The following MCC variants were observed in gnomAD, a reference collection of about 807,000 sequenced individuals.
MCC encodes MCC regulator of Wnt signaling pathway.
MCC carries 90 observed loss-of-function variants against 116.2 expected under a neutral mutation model. That is an observed-to-expected ratio of 0.77 (90% CI 0.65 to 0.92). The LOEUF (loss-of-function observed/expected upper bound fraction) is 0.92. MCC is among the 40% of genes least tolerant of loss of function. The pLI is 0.00. For synonymous variants in MCC, 578 were observed against 510.5 expected, an observed-to-expected ratio of 1.13 and a Z score of -1.78; for missense variants, 1,516 against 1,312.2, an observed-to-expected ratio of 1.16 and a Z score of -2.40.
At chr5:113,248,925 C>T (rs1764679853) in intron 3 of MCC, among the ~76,000 whole-genome samples, 1 of 150,696 alleles carries the variant, frequency 6.6e-6, no homozygotes, top group South Asian at 2.1e-4. Flanking sequence ...CTCATTGCTG[C>T]CTCCGCCTCC....
At chr5:113,171,768 G>C (rs1761084516) in intron 3 of MCC, among the ~76,000 whole-genome samples, 1 of 152,100 alleles carries the variant, frequency 6.6e-6, no homozygotes, top group Admixed American at 6.6e-5. Flanking sequence ...CTGTGGCAAG[G>C]GAATTCTCCA....
At chr5:113,465,325 T>C (rs1771871617) in intron 1 of MCC, among the ~76,000 whole-genome samples, 1 of 152,084 alleles carries the variant, frequency 6.6e-6, no homozygotes, top group East Asian at 1.9e-4. Flanking sequence ...TGGTTAACCA[T>C]TTGGGGGAAA....
chr5:113,467,695 A>T (rs2150429134), intron 1 of MCC, among the ~76,000 whole-genome samples: 1 of 152,222 alleles, frequency 6.6e-6, no homozygotes, highest in South Asian at 2.1e-4. Flanking sequence ...ATGAAGTTTA[A>T]AGTAGTTTTT....
intron 3 of MCC, among the ~76,000 whole-genome samples, chr5:113,152,787 A>C (rs924356086): frequency 6.6e-6 from 1 of 152,162 alleles, no homozygotes; most frequent in African/African-American, 2.4e-5. Flanking sequence ...ACTTAATCGC[A>C]TCGGAGCAGC....
intron 3 of MCC, among the ~76,000 whole-genome samples, chr5:113,284,240 C>A (rs1766160656): frequency 6.6e-6 from 1 of 152,160 alleles, no homozygotes; most frequent in Non-Finnish European, 1.5e-5. Flanking sequence ...GTCCCAGCTA[C>A]TTGGGAGGCT....
At position 113,215,394 on chromosome 5, in the gene MCC, T is replaced by C. The variant is rs1029781954; in HGVS notation, c.628-63972A>G. ...TACCTGTGTATCTTTGTCCTTAGCA[T>C]AGTGCTGGCTATGGTTTGAATACTG... On this transcript the variant is annotated intron_variant, in intron 3 of 18. Coordinates refer to ENST00000408903, the MANE Select transcript of MCC (RefSeq NM_001085377.2). 3.9e-5 allele frequency among the ~76,000 whole-genome samples: 6 copies of C among 152,228 alleles called. No individual in the cohort carries two copies. In the East Asian group the frequency reaches 5.8e-4, roughly 15 times the overall value.
At chr5:113,120,091 G>T (rs893567665) in intron 6 of MCC, among the ~76,000 whole-genome samples, 8 of 152,224 alleles carry the variant, frequency 5.3e-5, no homozygotes, top group Admixed American at 6.5e-5. Context: ...GAAGTGAATG[G>T]CGGGATCAGT....
At chr5:113,030,476 G>A (rs1197526876) in intron 17 of MCC, among the ~76,000 whole-genome samples, 1 of 152,084 alleles carries the variant, frequency 6.6e-6, no homozygotes, top group East Asian at 1.9e-4. Context: ...CTCAGAAATT[G>A]AAGACCAGCC....
rs144090496 is a variant in MCC at position 113,108,902 on chromosome 5, C to T, written c.1028-4547G>A. 3.7e-3 allele frequency among the ~76,000 whole-genome samples: 559 copies of T among 152,310 alleles called. 2 individuals carry two copies. The highest frequency in any genetic ancestry group is 0.013 in the African/African-American group (537 of 41,570). On this transcript the variant is annotated intron_variant, in intron 6 of 18. Coordinates refer to ENST00000408903, the MANE Select transcript of MCC (RefSeq NM_001085377.2). The stretch of plus-strand genomic sequence containing the variant: ...ACTCTGCACTGTGGCTTCACACAGG[C>T]CCATCAGTGACCAGTTGGCACTTGA...
intron 3 of MCC, among the ~76,000 whole-genome samples, chr5:113,258,990 C>T (rs1381074588): frequency 1.3e-5 from 2 of 152,170 alleles, no homozygotes; most frequent in South Asian, 4.1e-4. Context: ...CATTAAAATT[C>T]TTACATCAAA....
chr5:113,174,626 T>G (rs1476957094), intron 3 of MCC, among the ~76,000 whole-genome samples: 1 of 151,076 alleles, frequency 6.6e-6, no homozygotes, highest in Non-Finnish European at 1.5e-5. Flanking sequence ...TTTTTTTTTT[T>G]GAGGGTGTTT....
At chr5:113,239,013 G>A (rs867883413) in intron 3 of MCC, among the ~76,000 whole-genome samples, 2 of 152,120 alleles carry the variant, frequency 1.3e-5, no homozygotes, top group African/African-American at 2.4e-5. Context: ...GAATATTCAT[G>A]CATATGTTTT....
intron 3 of MCC, among the ~76,000 whole-genome samples, chr5:113,338,800 C>T (rs4705812): frequency 0.54 from 82,427 of 151,950 alleles, 24,144 homozygotes; most frequent in African/African-American, 0.76. Flanking sequence ...CATAGGAGGG[C>T]AAGATTAGGA....
In MCC at chr5:113,238,553, G is replaced by C. The variant is rs142717543; in HGVS notation, c.628-87131C>G. Among the ~76,000 whole-genome samples, 1,501 of 152,276 alleles carry C rather than the reference G, an allele frequency of 9.9e-3. 35 individuals are homozygous for C. Among genetic ancestry groups the C allele is most frequent in the African/African-American group, 0.034 (1,396 of 41,532 alleles). On this transcript the variant is annotated intron_variant, in intron 3 of 18. Transcript: ENST00000408903. ...TACGACAGACCCAATTTTGCTTACA[G>C]ATTTTCCCCAAATTTAAGATTTTGT...
chr5:113,106,014 G>T (rs1756709365), intron 6 of MCC, among the ~76,000 whole-genome samples: 2 of 152,292 alleles, frequency 1.3e-5, no homozygotes, highest in Non-Finnish European at 2.9e-5. Context: ...GGTTGGGCTT[G>T]CACAATGGCA....
intron 3 of MCC, among the ~76,000 whole-genome samples, chr5:113,234,828 G>T (rs1221718837): frequency 2.0e-5 from 3 of 152,174 alleles, no homozygotes; most frequent in East Asian, 1.9e-4. Flanking sequence ...GCAGTGGCAG[G>T]TTCCTTGTTA....
In MCC at chr5:113,207,657, G is replaced by C. The variant is rs182922750; in HGVS notation, c.628-56235C>G. 5.2e-3 allele frequency among the ~76,000 whole-genome samples: 792 copies of C among 152,242 alleles called. 6 individuals are homozygous for C. Among genetic ancestry groups the C allele is most frequent in the Non-Finnish European group, 6.2e-3 (423 of 67,996 alleles). Reference sequence around the variant, plus strand: ...TCAGCAGGGCTCCCTTGAATAAAGGGTTTTCCTAGGGCACTTAAAATATGA... The same window carrying C: ...TCAGCAGGGCTCCCTTGAATAAAGGCTTTTCCTAGGGCACTTAAAATATGA... On this transcript the variant is annotated intron_variant, in intron 3 of 18. Transcript: ENST00000408903.
Position 113,346,290 on chromosome 5 carries a change from TA to T in MCC, c.416-5561del, listed in dbSNP as rs1244496622. On this transcript the variant is annotated intron_variant, in intron 2 of 18. Coordinates refer to ENST00000408903, the MANE Select transcript of MCC (RefSeq NM_001085377.2). ...CTTAAAGAGGAGATAGAGACAGAGA[TA>T]GGGGTAGAAAGTTTATTGAAAGGAG... Among the ~76,000 whole-genome samples the T allele has an allele frequency of 2.0e-5, 3 of 151,774 alleles. 1 individual carries two copies. Among genetic ancestry groups the T allele is most frequent in the East Asian group, 3.9e-4 (2 of 5,176 alleles).
At chr5:113,044,259 G>T (rs772739302) in intron 16 of MCC, among the ~76,000 whole-genome samples, 6 of 152,184 alleles carry the variant, frequency 3.9e-5, no homozygotes, top group Non-Finnish European at 7.3e-5. Context: ...GAGGAAAACA[G>T]AAGTGCAGCC....
Sources: allele counts gnomAD v4.1 joint callset (sites outside exome capture counted in the v4.1 genomes callset), GRCh38; gene constraint gnomAD v4.1.1; transcripts MANE v1.5; gene names NCBI Gene and HGNC (gene_info 2026-07-23, HGNC 2026-07-21).